Variants in WDR7 observed in about 807,000 individuals in gnomAD.
WDR7 encodes WD repeat-containing protein 7.
In WDR7, 46 loss-of-function variants were observed where a neutral mutation model predicts 169.4. The observed-to-expected ratio is 0.27, with a 90% confidence interval of 0.21 to 0.35. The LOEUF is 0.35. Among genes scored for constraint, WDR7 ranks in the 10% least tolerant of loss-of-function variants. The pLI, the probability that WDR7 is intolerant of heterozygous loss-of-function variation, is 1.00. For missense variants in WDR7, 1,534 were observed against 1,859.3 expected (o/e 0.83, Z 3.22); for synonymous variants, 612 against 666.8 (o/e 0.92, Z 1.27).
intron 13 of WDR7, among the ~76,000 whole-genome samples, chr18:56,720,463 A>G (rs1180921127): frequency 7.1e-6 from 1 of 141,830 alleles, no homozygotes; most frequent in Non-Finnish European, 1.5e-5. Context: ...ATAAACAAAC[A>G]AAAAAAACCC....
chr18:56,965,465 T>C (rs2047396048), intron 26 of WDR7, among the ~76,000 whole-genome samples: 1 of 151,994 alleles, frequency 6.6e-6, no homozygotes, highest in East Asian at 1.9e-4. Context: ...GTTTTTTTTT[T>C]TAGATCTGTT....
chr18:56,967,424 C>T (rs2047425744), intron 26 of WDR7, among the ~76,000 whole-genome samples: 1 of 151,932 alleles, frequency 6.6e-6, no homozygotes, highest in African/African-American at 2.4e-5. Flanking sequence ...GTATCTAACT[C>T]CCTATGAAGA....
chr18:56,883,209 CAAAAA>C (rs767585796), intron 21 of WDR7, among the ~76,000 whole-genome samples: 1 of 55,462 alleles, frequency 1.8e-5, no homozygotes, highest in Non-Finnish European at 4.6e-5. Flanking sequence ...GACTCCGTCT[CAAAAA>C]AAAAAAAAAA....
chr18:56,986,806 T>C (rs1056994743), intron 26 of WDR7, among the ~76,000 whole-genome samples: 2 of 152,176 alleles, frequency 1.3e-5, no homozygotes, highest in African/African-American at 4.8e-5. Context: ...AATTAAAAAA[T>C]TGAATCTCCT....
chr18:56,947,837 TG>T (rs1285367558), intron 25 of WDR7, among the ~76,000 whole-genome samples: 2 of 152,256 alleles, frequency 1.3e-5, no homozygotes, highest in Non-Finnish European at 2.9e-5. Flanking sequence ...CCAAAAGGAA[TG>T]CTTGTTTTTT....
intron 9 of WDR7, among the ~76,000 whole-genome samples, chr18:56,693,852 A>G (rs891523175): frequency 9.2e-5 from 14 of 152,026 alleles, no homozygotes; most frequent in Admixed American, 8.5e-4. Flanking sequence ...CATTACAGGC[A>G]TGAGCCACTG....
At chr18:56,816,525 A>C (rs1164980467) in intron 20 of WDR7, among the ~76,000 whole-genome samples, 1 of 152,230 alleles carries the variant, frequency 6.6e-6, no homozygotes, top group Non-Finnish European at 1.5e-5. Context: ...TTTAATCACA[A>C]TATATACAAT....
chr18:56,981,756 G>T (rs1274961282), intron 26 of WDR7, among the ~76,000 whole-genome samples: 1 of 152,180 alleles, frequency 6.6e-6, no homozygotes, highest in Non-Finnish European at 1.5e-5. Context: ...GCTCTGTGCA[G>T]TAGTGAGGTA....
intron 25 of WDR7, among the ~76,000 whole-genome samples, chr18:56,962,102 G>A (rs976538150): frequency 6.6e-6 from 1 of 151,774 alleles, no homozygotes; most frequent in Non-Finnish European, 1.5e-5. Context: ...TAGCAAAATT[G>A]GATTTTCATA....
chr18:56,757,726 C>T (rs1363200775), intron 15 of WDR7, among the ~76,000 whole-genome samples: 3 of 152,048 alleles, frequency 2.0e-5, no homozygotes, highest in Non-Finnish European at 4.4e-5. Context: ...AATCCCAGCA[C>T]TTTGGGAGGC....
chr18:56,778,342 C>T (rs1385633926), intron 17 of WDR7, among the ~76,000 whole-genome samples: 1 of 152,104 alleles, frequency 6.6e-6, no homozygotes, highest in African/African-American at 2.4e-5. Flanking sequence ...CACTGATTTG[C>T]TAAAATTCTA....
At chr18:56,745,988 G>A (rs1195054415) in intron 14 of WDR7, among the ~76,000 whole-genome samples, 1 of 152,162 alleles carries the variant, frequency 6.6e-6, no homozygotes, top group African/African-American at 2.4e-5. Context: ...GTGTGAGTCA[G>A]GGACAATGAT....
At position 56,935,823 on chromosome 18, in the gene WDR7, A is replaced by G; in HGVS notation, c.3749A>G (p.Asp1250Gly). 1 of 1,614,006 alleles carries G rather than the reference A, an allele frequency of 6.2e-7. No individual in the cohort carries two copies. The highest frequency in any genetic ancestry group is 8.5e-7 in the Non-Finnish European group (1 of 1,180,010). The change falls in exon 23 of 28, where the codon GAC (aspartate) becomes GGC (glycine). Residue 1250 changes from aspartate (D) to glycine (G), a missense_variant. Asp to Gly is a moderately conservative substitution (Grantham distance 94). Coordinates refer to ENST00000254442, the MANE Select transcript of WDR7 (RefSeq NM_015285.3). ...GGGTTGCCTCTGAGCCCAGCAGCTG[A>G]CTCGGCCCGCTCTGCGAGGCATGCC... ...TMGLPLSPAA[D>G]SARSARHALS...
At position 56,874,296 on chromosome 18, in the gene WDR7, C is replaced by T. The variant is rs188201294; in HGVS notation, c.3305-5648C>T. Among the ~76,000 whole-genome samples, 8 of 151,906 alleles carry T rather than the reference C, an allele frequency of 5.3e-5. No individual in the cohort carries two copies. The East Asian group carries it at 1.4e-3, about 26-fold the overall frequency. ...TTTTTTTTTCTTCTTAGTATGGTTACGCATTTAGGTGGTTTTTTTCCCCCT... is the reference window on the plus strand; with the variant it reads ...TTTTTTTTTCTTCTTAGTATGGTTATGCATTTAGGTGGTTTTTTTCCCCCT... On this transcript the variant is annotated intron_variant, in intron 20 of 27. Transcript: ENST00000254442.
Position 57,028,649 on chromosome 18 carries a change from A to T in WDR7, c.*1442A>T, listed in dbSNP as rs1197366898. On this transcript the variant is annotated 3_prime_UTR_variant, in exon 28 of 28. Coordinates refer to ENST00000254442, the MANE Select transcript of WDR7 (RefSeq NM_015285.3). ...TAGTCTTAAAAGTTTAGGTTGTCAG[A>T]GTTTATCTGATATACAAAAAAGTAG... 2 of 152,242 alleles carry T rather than the reference A, an allele frequency of 1.3e-5. No individual in the cohort carries two copies. The highest frequency in any genetic ancestry group is 4.8e-5 in the African/African-American group (2 of 41,454). 9.4% of individuals were successfully genotyped at this position (152,242 alleles called of 1,614,324 possible). A position where few individuals can be genotyped will look rare whatever the true frequency, so the allele number is the denominator to read the frequency against.
chr18:56,748,273 T>G lies in WDR7; in HGVS notation c.1990-8310T>G, dbSNP rs148745791. On this transcript the variant is annotated intron_variant, in intron 14 of 27. Transcript: ENST00000254442. Reference sequence around the variant, plus strand: ...GGATTGATACTAGGGAAGCTGAGTCTTGTAAAGGTCTGTACAATGGAGGAA... The same window carrying G: ...GGATTGATACTAGGGAAGCTGAGTCGTGTAAAGGTCTGTACAATGGAGGAA... Among the ~76,000 whole-genome samples, 437 of 152,304 alleles carry G rather than the reference T, an allele frequency of 2.9e-3. 3 individuals carry two copies. In the East Asian group the frequency reaches 0.032, roughly 11 times the overall value.
At position 56,731,490 on chromosome 18, in the gene WDR7, C is replaced by T; in HGVS notation, c.1882C>T (p.Leu628=). The T allele has an allele frequency of 6.2e-7, 1 of 1,614,090 alleles. No homozygotes were observed. The highest frequency in any genetic ancestry group is 8.5e-7 in the Non-Finnish European group (1 of 1,180,010). Residue 628 remains leucine, a synonymous_variant, in exon 14 of 28, where the codon CTA becomes TTA. Transcript: ENST00000254442. ...TTCACTTAGTCATCCAGCAGTCAAC[C>T]TAAAACAAGCTATGACGAGACGTAG... ...VDSLSHPAVN[L]KQAMTRRSLA...
At chr18:56,876,547 A>G (rs1031491469) in intron 20 of WDR7, among the ~76,000 whole-genome samples, 1 of 152,328 alleles carries the variant, frequency 6.6e-6, no homozygotes, top group Middle Eastern at 3.4e-3. Flanking sequence ...TATGAGCTAA[A>G]GAGGACTTAC....
chr18:57,032,801 T>TA, downstream of WDR7: 1 of 106,192 alleles, frequency 9.4e-6, no homozygotes, highest in African/African-American at 3.2e-5. Context: ...TATAATTATT[T>TA]TATATATATA....
Sources: allele counts gnomAD v4.1 joint callset (sites outside exome capture counted in the v4.1 genomes callset), GRCh38; gene constraint gnomAD v4.1.1; transcripts MANE v1.5; gene names NCBI Gene and HGNC (gene_info 2026-07-23, HGNC 2026-07-21).